The following SIM1 variants were observed in gnomAD, a reference collection of about 807,000 sequenced individuals.
The protein encoded by SIM1 is single-minded homolog 1.
A neutral mutation model predicts 78.2 loss-of-function variants in SIM1; 18 were observed. The ratio of observed to expected loss-of-function variants is 0.23; its 90% CI spans 0.16 to 0.34. The LOEUF (loss-of-function observed/expected upper bound fraction) is 0.34, where lower values mean the gene tolerates loss of function less well. Ranked by LOEUF, SIM1 falls within the 10% of genes least tolerant of loss-of-function variation. The pLI, the probability that SIM1 is intolerant of heterozygous loss-of-function variation, is 1.00. For missense variants in SIM1, 939 were observed against 975.1 expected, an observed-to-expected ratio of 0.96 and a Z score of 0.49; for synonymous variants, 417 against 385.2, an observed-to-expected ratio of 1.08 and a Z score of -0.97.
At chr6:100,425,343 C>T (rs1012334163) in intron 9 of SIM1, among the ~76,000 whole-genome samples, 4 of 152,146 alleles carry the variant, frequency 2.6e-5, no homozygotes, top group Non-Finnish European at 4.4e-5. Flanking sequence ...TACTCTGTTA[C>T]TTTTTAGCTT....
At chr6:100,447,839 T>A (rs560589619) in intron 8 of SIM1, among the ~76,000 whole-genome samples, 1 of 152,382 alleles carries the variant, frequency 6.6e-6, no homozygotes, top group African/African-American at 2.4e-5. Context: ...TTGGTTTTTG[T>A]TCATCTTTAG....
rs970494424 is a variant in SIM1, at chr6:100,450,812, G to C, written c.259-456C>G. Among the ~76,000 whole-genome samples, 4 of 151,970 alleles carry C rather than the reference G, an allele frequency of 2.6e-5. No homozygotes were observed. In the South Asian group the frequency reaches 8.3e-4, roughly 32 times the overall value. On this transcript the variant is annotated intron_variant, in intron 3 of 11. Coordinates refer to ENST00000369208, the MANE Select transcript of SIM1 (RefSeq NM_005068.3). ...AGGGTTTGGGAATAGCAGTGCAGTAGGCATTGGTCAGTCAATTTTGGAAGG... is the reference window on the plus strand; with the variant it reads ...AGGGTTTGGGAATAGCAGTGCAGTACGCATTGGTCAGTCAATTTTGGAAGG...
chr6:100,441,114 T>G (rs1168437341), intron 9 of SIM1, among the ~76,000 whole-genome samples: 2 of 152,146 alleles, frequency 1.3e-5, no homozygotes, highest in Non-Finnish European at 2.9e-5. Flanking sequence ...GTAGACAGGC[T>G]GGTCATTCAA....
intron 2 of SIM1, among the ~76,000 whole-genome samples, chr6:100,454,679 T>A (rs752192854): frequency 1.3e-5 from 2 of 152,238 alleles, no homozygotes; most frequent in African/African-American, 2.4e-5. Context: ...CTTTCTCTCC[T>A]TGGTGTTTCC....
At chr6:100,447,456 G>T (rs756794880) in intron 8 of SIM1, 41 bp from the exon 9 acceptor site, 2 of 1,612,606 alleles carry the variant, frequency 1.2e-6, no homozygotes, top group African/African-American at 1.3e-5. Context: ...GAACCAGCCT[G>T]CCTGGGACTG....
In SIM1 at chr6:100,431,873, T is replaced by C. The variant is rs540644909; in HGVS notation, c.999-10915A>G. Among the ~76,000 whole-genome samples the C allele has an allele frequency of 1.8e-4, 27 of 152,248 alleles. 1 individual carries two copies. The highest frequency in any genetic ancestry group is 1.8e-3 in the Admixed American group (27 of 15,286). On this transcript the variant is annotated intron_variant, in intron 9 of 11. Coordinates refer to ENST00000369208, the MANE Select transcript of SIM1 (RefSeq NM_005068.3). ...AAGCCGATGGCCCAGAAAGAGATAA[T>C]AGTAGGGCTGGATGAGTGATGGCTC...
Position 100,447,362 on chromosome 6 carries a change from C to A in SIM1, c.904G>T (p.Gly302Cys), listed in dbSNP as rs1234414446. The change falls in exon 9 of 12, where the codon GGC (glycine) becomes TGC (cysteine). Residue 302 changes from glycine (G) to cysteine (C), a missense_variant. Around this residue, in one of 5 missense-constraint regions of SIM1, gnomAD observed 66 missense variants for 108.4 expected, o/e 0.61. Transcript: ENST00000369208. ...TKYYRFLAKH[G>C]GWVWVQSYAT... Reference sequence around the variant, plus strand: ...TAGCTCTGCACCCATACCCAGCCGCCGTGTTTCGCCAGGAACCTGTAGTAC... The same window carrying A: ...TAGCTCTGCACCCATACCCAGCCGCAGTGTTTCGCCAGGAACCTGTAGTAC... 6.2e-7 allele frequency: 1 copy of A among 1,614,232 alleles called. No homozygotes were observed. Among genetic ancestry groups the A allele is most frequent in the Non-Finnish European group, 8.5e-7 (1 of 1,180,044 alleles).
At chr6:100,415,042 A>G (rs555938578) in intron 10 of SIM1, among the ~76,000 whole-genome samples, 1 of 152,238 alleles carries the variant, frequency 6.6e-6, no homozygotes, top group East Asian at 1.9e-4. Context: ...TTACTACTGA[A>G]TTATATAGTG....
chr6:100,438,801 T>C (rs751751642), intron 9 of SIM1, among the ~76,000 whole-genome samples: 9 of 152,182 alleles, frequency 5.9e-5, no homozygotes, highest in Non-Finnish European at 1.2e-4. Context: ...CAAAATAATG[T>C]CTTTTGCAGC....
chr6:100,423,455 G>A (rs912422032), intron 9 of SIM1, among the ~76,000 whole-genome samples: 5 of 152,158 alleles, frequency 3.3e-5, no homozygotes, highest in Admixed American at 6.5e-5. Context: ...CATGAAGAAG[G>A]TACCAGGGCC....
At chr6:100,438,690 T>G (rs935378720) in intron 9 of SIM1, among the ~76,000 whole-genome samples, 1 of 152,206 alleles carries the variant, frequency 6.6e-6, no homozygotes, top group East Asian at 1.9e-4. Context: ...AATTTGCAAT[T>G]GCAAAGATAT....
chr6:100,408,927 A>C (rs956194886), intron 10 of SIM1, among the ~76,000 whole-genome samples: 11 of 152,066 alleles, frequency 7.2e-5, no homozygotes, highest in Non-Finnish European at 1.2e-4. Flanking sequence ...GCCTTGTAAA[A>C]TGAGTTTGGA....
rs963672044 is a variant in SIM1 at position 100,387,233 on chromosome 6, T to C, written c.*3128A>G. On this transcript the variant is annotated 3_prime_UTR_variant, in exon 12 of 12. Transcript: ENST00000369208. Reference sequence around the variant, plus strand: ...GTGATATGAAAATCATACTTCTGTATCTATTTCAATCAAGTTTCATGTTTC... The same window carrying C: ...GTGATATGAAAATCATACTTCTGTACCTATTTCAATCAAGTTTCATGTTTC... 6.6e-6 allele frequency: 1 copy of C among 152,100 alleles called. No individual in the cohort carries two copies. Among genetic ancestry groups the C allele is most frequent in the African/African-American group, 2.4e-5 (1 of 41,450 alleles). The allele number at this position is 152,100 out of a possible 1,614,324, so 9.4% of individuals were successfully genotyped here. A position where few individuals can be genotyped will look rare whatever the true frequency, so the allele number is the denominator to read the frequency against.
At chr6:100,426,365 A>C (rs1771730000) in intron 9 of SIM1, among the ~76,000 whole-genome samples, 1 of 152,238 alleles carries the variant, frequency 6.6e-6, no homozygotes, top group African/African-American at 2.4e-5. Context: ...TATTTGAAAT[A>C]ACTCAAATTC....
chr6:100,449,417 C>A lies in SIM1; in HGVS notation c.489G>T (p.Arg163Ser). 6.2e-7 allele frequency: 1 copy of A among 1,614,154 alleles called. No individual in the cohort carries two copies. Among genetic ancestry groups the A allele is most frequent in the Non-Finnish European group, 8.5e-7 (1 of 1,180,020 alleles). ...EYEIERSFFL[R>S]MKCVLAKRNA... ...TACGCTTGGCCAAGACGCACTTCAT[C>A]CTCAGGAAGAAGGAGCGCTCGATCT... is the stretch of plus-strand genomic sequence containing the variant. The change falls in exon 6 of 12, where the codon AGG becomes AGT. Residue 163 changes from arginine (R) to serine (S), a missense_variant. Physicochemically the swap from Arg to Ser is moderately radical, Grantham distance 110. Around this residue, in one of 5 missense-constraint regions of SIM1, gnomAD observed 187 missense variants for 191.6 expected, o/e 0.98. Coordinates refer to ENST00000369208, the MANE Select transcript of SIM1 (RefSeq NM_005068.3).
intron 2 of SIM1, among the ~76,000 whole-genome samples, chr6:100,456,764 C>T (rs1457369171): frequency 6.6e-6 from 1 of 152,186 alleles, no homozygotes; most frequent in African/African-American, 2.4e-5. Context: ...AAAGGGCTAG[C>T]TCACATTTCC....
In SIM1 at chr6:100,388,159, A is replaced by G. The variant is rs1770554130; in HGVS notation, c.*2202T>C. ...AAATACTCTTTTTTGTATAATTCAA[A>G]ACTTAGTTTTTATTGTATGGTCACC... On this transcript the variant is annotated 3_prime_UTR_variant, in exon 12 of 12. Coordinates refer to ENST00000369208, the MANE Select transcript of SIM1 (RefSeq NM_005068.3). 6.6e-6 allele frequency: 1 copy of G among 152,172 alleles called. No individual in the cohort carries two copies. The allele number at this position is 152,172 out of a possible 1,614,324, so 9.4% of individuals were successfully genotyped here.
chr6:100,416,788 A>C (rs1000793232), intron 10 of SIM1, among the ~76,000 whole-genome samples: 26 of 152,178 alleles, frequency 1.7e-4, no homozygotes, highest in African/African-American at 6.0e-4. Context: ...TATGACAAGA[A>C]AAGATACAAG....
chr6:100,458,006 T>G (rs949372373), intron 2 of SIM1, among the ~76,000 whole-genome samples: 4 of 90,250 alleles, frequency 4.4e-5, no homozygotes, highest in African/African-American at 1.2e-4. Flanking sequence ...GTCTCTCTCT[T>G]TCTCTCTCTC....
Sources: allele counts gnomAD v4.1 joint callset (sites outside exome capture counted in the v4.1 genomes callset), GRCh38; gene constraint gnomAD v4.1.1; regional missense constraint gnomAD v4.1.1; transcripts MANE v1.5; gene names NCBI Gene and HGNC (gene_info 2026-07-23, HGNC 2026-07-21).